EYA1: variants seen among roughly 807,000 people sequenced by gnomAD.
The protein encoded by EYA1 is EYA transcriptional coactivator and phosphatase 1, also known as protein phosphatase EYA1.
EYA1 carries 16 observed loss-of-function variants against 82.0 expected under a neutral mutation model. The observed-to-expected ratio is 0.20, with a 90% confidence interval of 0.13 to 0.30. The LOEUF (loss-of-function observed/expected upper bound fraction) is 0.30, where lower values mean the gene tolerates loss of function less well. Among genes scored for constraint, EYA1 ranks in the 10% least tolerant of loss-of-function variants. EYA1 has a pLI of 1.00. For missense variants in EYA1, 633 were observed against 730.7 expected (o/e 0.87, Z 1.54); for synonymous variants, 261 against 264.4 (o/e 0.99, Z 0.12).
chr8:71,413,514 C>T (rs575751685), intron 2 of EYA1, among the ~76,000 whole-genome samples: 4 of 152,324 alleles, frequency 2.6e-5, no homozygotes, highest in Non-Finnish European at 4.4e-5. Context: ...CACCTACACA[C>T]AAAATTTGGC....
chr8:71,483,015 A>G (rs1164362908), intron 2 of EYA1, among the ~76,000 whole-genome samples: 3 of 152,172 alleles, frequency 2.0e-5, no homozygotes, highest in African/African-American at 7.2e-5. Context: ...TGGTCACCTG[A>G]TTCTCTGAAG....
At chr8:71,277,160 A>G (rs776638167) in intron 9 of EYA1, among the ~76,000 whole-genome samples, 1 of 108,592 alleles carries the variant, frequency 9.2e-6, no homozygotes, top group Non-Finnish European at 1.7e-5. Context: ...GTTTTTAGAG[A>G]CAGGACCTTT....
At position 71,275,616 on chromosome 8, in the gene EYA1, G is replaced by A. The variant is rs79947414; in HGVS notation, c.827-3719C>T. Among the ~76,000 whole-genome samples, 730 of 152,284 alleles carry A rather than the reference G, an allele frequency of 4.8e-3. 3 individuals are homozygous for A. Among genetic ancestry groups the A allele is most frequent in the African/African-American group, 0.017 (701 of 41,554 alleles). ...AGAGGAAAACCAAAGTCAATGTATG[G>A]CAGATGAAAAAGTATGTCAGGAAGG... On this transcript the variant is annotated intron_variant, in intron 9 of 17. Coordinates refer to ENST00000340726, the MANE Select transcript of EYA1 (RefSeq NM_000503.6).
At chr8:71,498,993 A>G (rs1280492907) in intron 2 of EYA1, among the ~76,000 whole-genome samples, 1 of 152,244 alleles carries the variant, frequency 6.6e-6, no homozygotes, top group Non-Finnish European at 1.5e-5. Context: ...GACAAAGACA[A>G]GGTGCCCCCT....
At chr8:71,258,750 T>C (rs1814745828) in intron 11 of EYA1, among the ~76,000 whole-genome samples, 1 of 152,272 alleles carries the variant, frequency 6.6e-6, no homozygotes, top group Non-Finnish European at 1.5e-5. Context: ...CTGCTAATTC[T>C]AGTGTTTGTA....
At chr8:71,423,643 G>A (rs1831264207) in intron 2 of EYA1, among the ~76,000 whole-genome samples, 1 of 152,204 alleles carries the variant, frequency 6.6e-6, no homozygotes, top group South Asian at 2.1e-4. Context: ...AGGGTAAGGA[G>A]AGGAACAAAT....
chr8:71,468,453 C>T (rs1197338930), intron 2 of EYA1, among the ~76,000 whole-genome samples: 2 of 152,092 alleles, frequency 1.3e-5, no homozygotes, highest in East Asian at 1.9e-4. Flanking sequence ...CCCAAAGTTA[C>T]ATCACTCTAA....
chr8:71,348,125 AT>A (rs969658384), intron 3 of EYA1, among the ~76,000 whole-genome samples: 43 of 152,012 alleles, frequency 2.8e-4, no homozygotes, highest in Admixed American at 1.7e-3. Context: ...ACATGTATGT[AT>A]TTTTTTTCTA....
At position 71,473,596 on chromosome 8, in the gene EYA1, TTGG is replaced by T. The variant is rs535277110; in HGVS notation, c.33+62145_33+62147del. Among the ~76,000 whole-genome samples the T allele has an allele frequency of 4.7e-3, 708 of 152,238 alleles. 7 individuals carry two copies. Among genetic ancestry groups the T allele is most frequent in the African/African-American group, 0.016 (668 of 41,534 alleles). ...GAGAAATGGGAACACTTTTACACTG[TTGG>T]TGGGAGTGTAAATTAGTTCAACCAT... is the stretch of plus-strand genomic sequence containing the variant. On this transcript the variant is annotated intron_variant, in intron 2 of 18. Transcript: ENST00000643681.
At chr8:71,460,179 A>G (rs1353258654) in intron 2 of EYA1, among the ~76,000 whole-genome samples, 3 of 152,190 alleles carry the variant, frequency 2.0e-5, no homozygotes, top group Non-Finnish European at 2.9e-5. Context: ...TAATTATAAT[A>G]ATTTGTGATA....
At chr8:71,224,354 G>A (rs912059100) in intron 12 of EYA1, among the ~76,000 whole-genome samples, 13 of 152,232 alleles carry the variant, frequency 8.5e-5, no homozygotes, top group African/African-American at 3.1e-4. Flanking sequence ...AAGGATAAAA[G>A]TCAGCAGAGA....
intron 2 of EYA1, among the ~76,000 whole-genome samples, chr8:71,418,360 T>C (rs1459798634): frequency 6.6e-6 from 1 of 152,212 alleles, no homozygotes; most frequent in East Asian, 1.9e-4. Flanking sequence ...CCCACATAAA[T>C]TGATTCTGCT....
At chr8:71,507,429 GC>G (rs1199764067) in intron 2 of EYA1, among the ~76,000 whole-genome samples, 1 of 152,132 alleles carries the variant, frequency 6.6e-6, no homozygotes, top group Non-Finnish European at 1.5e-5. Flanking sequence ...AACTGTCTTG[GC>G]AAAGCAGTGG....
intron 2 of EYA1, among the ~76,000 whole-genome samples, chr8:71,500,070 T>C (rs1811705294): frequency 6.6e-6 from 1 of 152,158 alleles, no homozygotes; most frequent in Non-Finnish European, 1.5e-5. Context: ...ATTTCAGGCA[T>C]GTTTAATTGT....
At chr8:71,300,841 TAAC>T (rs1820127995) in intron 7 of EYA1, among the ~76,000 whole-genome samples, 1 of 152,062 alleles carries the variant, frequency 6.6e-6, no homozygotes, top group South Asian at 2.1e-4. Flanking sequence ...AAAACTAAAA[TAAC>T]AAAAAGTATT....
chr8:71,420,414 T>A (rs1244604925), intron 2 of EYA1, among the ~76,000 whole-genome samples: 1 of 152,186 alleles, frequency 6.6e-6, no homozygotes, highest in African/African-American at 2.4e-5. Context: ...GAAAAAAATT[T>A]CACAATTCTT....
At chr8:71,330,447 AC>A (rs1823705134) in intron 4 of EYA1, among the ~76,000 whole-genome samples, 1 of 152,080 alleles carries the variant, frequency 6.6e-6, no homozygotes, top group South Asian at 2.1e-4. Context: ...GCTGTATGAA[AC>A]CACCCTGACC....
At chr8:71,202,953 G>C (rs1807247450) in intron 17 of EYA1, among the ~76,000 whole-genome samples, 1 of 152,176 alleles carries the variant, frequency 6.6e-6, no homozygotes, top group African/African-American at 2.4e-5. Flanking sequence ...CTGATGTGAA[G>C]ATTTTATGCA....
intron 7 of EYA1, among the ~76,000 whole-genome samples, chr8:71,310,223 C>G (rs113937470): frequency 6.8e-6 from 1 of 147,280 alleles, no homozygotes; most frequent in African/African-American, 2.5e-5. Context: ...ATTAAACATA[C>G]GATGACAATA....
Sources: allele counts gnomAD v4.1 joint callset (sites outside exome capture counted in the v4.1 genomes callset), GRCh38; gene constraint gnomAD v4.1.1; transcripts MANE v1.5; gene names NCBI Gene and HGNC (gene_info 2026-07-23, HGNC 2026-07-21).